The following SEZ6L variants were observed in gnomAD, a reference collection of about 807,000 sequenced individuals.
The protein encoded by SEZ6L is seizure 6-like protein.
A neutral mutation model predicts 106.2 loss-of-function variants in SEZ6L; 37 were observed. The ratio of observed to expected loss-of-function variants is 0.35; its 90% CI spans 0.27 to 0.46. The LOEUF (loss-of-function observed/expected upper bound fraction) is 0.46. SEZ6L is among the 20% of genes least tolerant of loss of function. The pLI is 1.00. For missense variants in SEZ6L, 1,172 were observed against 1,332.8 expected (o/e 0.88, Z 1.88); for synonymous variants, 541 against 570.4 (o/e 0.95, Z 0.73).
chr22:26,308,780 G>A (rs1386487815), intron 6 of SEZ6L, among the ~76,000 whole-genome samples: 1 of 152,184 alleles, frequency 6.6e-6, no homozygotes, highest in Non-Finnish European at 1.5e-5. Context: ...AGAAAATATG[G>A]TTAGAAAATT....
intron 13 of SEZ6L, among the ~76,000 whole-genome samples, chr22:26,373,141 T>G (rs1232225765): frequency 6.6e-6 from 1 of 152,204 alleles, no homozygotes; most frequent in Non-Finnish European, 1.5e-5. Flanking sequence ...ACAAGATTGT[T>G]ATGAGGATTA....
At chr22:26,295,703 T>C (rs561867779) in intron 3 of SEZ6L, among the ~76,000 whole-genome samples, 22 of 152,310 alleles carry the variant, frequency 1.4e-4, no homozygotes, top group South Asian at 6.2e-4. Flanking sequence ...CCAGGCACAG[T>C]AGAGTTCATT....
In SEZ6L at chr22:26,320,536, C is replaced by T. The variant is rs117213907; in HGVS notation, c.2015+6634C>T. ...TTTTTGTCACTGAGCAAGTTTAAAT[C>T]GATTCCACATATATTTATTGAGCAT... On this transcript the variant is annotated intron_variant, in intron 9 of 16. Coordinates refer to ENST00000248933, the MANE Select transcript of SEZ6L (RefSeq NM_021115.5). Among the ~76,000 whole-genome samples the T allele has an allele frequency of 2.4e-3, 372 of 152,312 alleles. 10 individuals carry two copies. In the East Asian group the frequency reaches 0.058, roughly 24 times the overall value.
At chr22:26,338,381 C>G (rs1417684522) in intron 9 of SEZ6L, among the ~76,000 whole-genome samples, 1 of 152,080 alleles carries the variant, frequency 6.6e-6, no homozygotes, top group African/African-American at 2.4e-5. Context: ...TTCTCCCCAT[C>G]ATTCATTGTT....
At chr22:26,345,053 G>T (rs9625013) in intron 10 of SEZ6L, among the ~76,000 whole-genome samples, 3,331 of 152,232 alleles carry the variant, frequency 0.022, 128 homozygotes, top group African/African-American at 0.075. Context: ...TCCTGAGTCA[G>T]GGTTTCTGGG....
chr22:26,194,222 C>T (rs1037310666), intron 1 of SEZ6L, among the ~76,000 whole-genome samples: 1 of 152,214 alleles, frequency 6.6e-6, no homozygotes, highest in African/African-American at 2.4e-5. Flanking sequence ...TCCTATGTCA[C>T]AGATGGGAAA....
chr22:26,302,627 C>T (rs987002408), intron 5 of SEZ6L, among the ~76,000 whole-genome samples: 4 of 152,158 alleles, frequency 2.6e-5, no homozygotes, highest in Non-Finnish European at 5.9e-5. Context: ...TCCCCCAAGG[C>T]CCTTCAGAAT....
intron 1 of SEZ6L, among the ~76,000 whole-genome samples, chr22:26,268,403 G>A (rs2080256222): frequency 6.6e-6 from 1 of 152,206 alleles, no homozygotes; most frequent in African/African-American, 2.4e-5. Flanking sequence ...TCAGCAAGGA[G>A]GGGCAACATG....
chr22:26,205,593 T>C (rs5761403), intron 1 of SEZ6L, among the ~76,000 whole-genome samples: 7,382 of 151,992 alleles, frequency 0.049, 344 homozygotes, highest in East Asian at 0.22. Flanking sequence ...AGGGCAACTA[T>C]TAAAAATGTG....
At chr22:26,348,710 G>GAAAGAAAGGAA (rs1569473878) in intron 11 of SEZ6L, among the ~76,000 whole-genome samples, 5 of 74,508 alleles carry the variant, frequency 6.7e-5, no homozygotes, top group Non-Finnish European at 1.3e-4. Flanking sequence ...AAGAAGGCAA[G>GAAAGAAAGGAA]GGAGGGAAGG....
At position 26,319,708 on chromosome 22, in the gene SEZ6L, T is replaced by C. The variant is rs532135622; in HGVS notation, c.2015+5806T>C. Among the ~76,000 whole-genome samples, 5 of 152,322 alleles carry C rather than the reference T, an allele frequency of 3.3e-5. No homozygotes were observed. In the South Asian group the frequency reaches 1.0e-3, roughly 32 times the overall value. ...CTACGCATTGTGGTGTATCTTGAAG[T>C]ATTTCAACTCCCACACCTCCACCTG... On this transcript the variant is annotated intron_variant, in intron 9 of 16. Coordinates refer to ENST00000248933, the MANE Select transcript of SEZ6L (RefSeq NM_021115.5).
At position 26,311,403 on chromosome 22, in the gene SEZ6L, A is replaced by G. The variant is rs148818084; in HGVS notation, c.1682-365A>G. Among the ~76,000 whole-genome samples, 447 of 152,362 alleles carry G rather than the reference A, an allele frequency of 2.9e-3. 3 individuals carry two copies. Among genetic ancestry groups the G allele is most frequent in the Middle Eastern group, 0.01 (3 of 294 alleles). ...GGGACTTTCTGTTCTGGCTTTGCCA[A>G]GAAAAGCTGGCTTTTATCATAGACA... On this transcript the variant is annotated intron_variant, in intron 7 of 16. Transcript: ENST00000248933.
chr22:26,314,724 G>A (rs992800745), intron 9 of SEZ6L, among the ~76,000 whole-genome samples: 1 of 152,246 alleles, frequency 6.6e-6, no homozygotes, highest in African/African-American at 2.4e-5. Flanking sequence ...GGTGACACTT[G>A]CAGGGAAGCA....
At chr22:26,303,715 G>A (rs1433799821) in intron 5 of SEZ6L, among the ~76,000 whole-genome samples, 1 of 152,176 alleles carries the variant, frequency 6.6e-6, no homozygotes, top group Non-Finnish European at 1.5e-5. Context: ...GTTGCTGGTA[G>A]TGTGACTGAA....
intron 5 of SEZ6L, among the ~76,000 whole-genome samples, chr22:26,302,592 T>A (rs535361090): frequency 6.6e-6 from 1 of 152,360 alleles, no homozygotes; most frequent in East Asian, 1.9e-4. Flanking sequence ...TGATAAATTC[T>A]GAGATTCAAT....
At chr22:26,252,105 G>A (rs5752295) in intron 1 of SEZ6L, among the ~76,000 whole-genome samples, 3 of 152,120 alleles carry the variant, frequency 2.0e-5, no homozygotes, top group South Asian at 2.1e-4. Context: ...AAATGCAGAC[G>A]CTTGGATCCC....
intron 1 of SEZ6L, among the ~76,000 whole-genome samples, chr22:26,202,800 C>T (rs1941051842): frequency 6.6e-6 from 1 of 152,182 alleles, no homozygotes; most frequent in African/African-American, 2.4e-5. Flanking sequence ...GTATTCTCCA[C>T]TAACTGTAGT....
Position 26,381,609 on chromosome 22 carries a change from T to C in SEZ6L, c.*1314T>C, listed in dbSNP as rs776492205. ...AAGGATTCCATAGCCCCACATCTAG[T>C]CACACGGGCATTCCTCTTATTTTAT... On this transcript the variant is annotated 3_prime_UTR_variant, in exon 17 of 17. Coordinates refer to ENST00000248933, the MANE Select transcript of SEZ6L (RefSeq NM_021115.5). 65 of 158,784 alleles carry C rather than the reference T, an allele frequency of 4.1e-4. No individual in the cohort carries two copies. The highest frequency in any genetic ancestry group is 7.7e-4 in the Non-Finnish European group (55 of 71,804). 9.8% of individuals were successfully genotyped at this position (158,784 alleles called of 1,614,324 possible). A position where few individuals can be genotyped will look rare whatever the true frequency, so the allele number is the denominator to read the frequency against.
intron 9 of SEZ6L, among the ~76,000 whole-genome samples, chr22:26,321,846 T>C (rs1170991383): frequency 6.6e-6 from 1 of 152,114 alleles, no homozygotes; most frequent in African/African-American, 2.4e-5. Context: ...AGCTGTCTGC[T>C]GAGTCATGAA....
Sources: allele counts gnomAD v4.1 joint callset (sites outside exome capture counted in the v4.1 genomes callset), GRCh38; gene constraint gnomAD v4.1.1; transcripts MANE v1.5; gene names NCBI Gene and HGNC (gene_info 2026-07-23, HGNC 2026-07-21).